LDHD: variants seen among roughly 807,000 people sequenced by gnomAD.
LDHD encodes D-lactate dehydrogenase, mitochondrial.
LDHD carries 58 observed loss-of-function variants against 52.9 expected under a neutral mutation model. That is an observed-to-expected ratio of 1.10 (90% CI 0.89 to 1.36). The LOEUF (loss-of-function observed/expected upper bound fraction) is 1.36. LDHD is among the 40% of genes most tolerant of loss of function. The pLI is 0.00. For synonymous variants in LDHD, 350 were observed against 288.6 expected, an observed-to-expected ratio of 1.21 and a Z score of -2.16; for missense variants, 747 against 668.0, an observed-to-expected ratio of 1.12 and a Z score of -1.30.
chr16:75,113,687 C>A (rs2036463958), intron 7 of LDHD, 25 bp from the exon 8 acceptor site: 1 of 1,612,828 alleles, frequency 6.2e-7, no homozygotes, highest in Admixed American at 1.7e-5. Context: ...GGGGGGCTGA[C>A]ACCGGGCCGC....
At position 75,112,320 on chromosome 16, in the gene LDHD, G is replaced by A. The variant is rs774636975; in HGVS notation, c.*36C>T. 4 of 1,574,170 alleles carry A rather than the reference G, an allele frequency of 2.5e-6. No individual in the cohort carries two copies. The highest frequency in any genetic ancestry group is 3.5e-6 in the Non-Finnish European group (4 of 1,155,076). On this transcript the variant is annotated 3_prime_UTR_variant, in exon 11 of 11. Coordinates refer to ENST00000450168, the MANE Select transcript of LDHD (RefSeq NM_194436.3). ...GAAAAGTTCCAGAACCGGCTCCGTAGTCAGGGAACTTGTGGGCTAAGTGCT... is the reference window on the plus strand; with the variant it reads ...GAAAAGTTCCAGAACCGGCTCCGTAATCAGGGAACTTGTGGGCTAAGTGCT...
At position 75,112,403 on chromosome 16, in the gene LDHD, C is replaced by T; in HGVS notation, c.1408G>A (p.Ala470Thr). The change falls in exon 11 of 11, where the codon GCC (alanine) becomes ACC (threonine). Residue 470 changes from alanine to threonine, a missense_variant. Ala to Thr is a moderately conservative substitution (Grantham distance 58). Coordinates refer to ENST00000450168, the MANE Select transcript of LDHD (RefSeq NM_194436.3). ...ATGAGGCCTTGGGGGTCTAGCACGG[C>T]CTTGAGCTGCCGCATGGTCTCCACG... ...VGVETMRQLKAVLDPQGLMNP... is the reference protein window; with the variant it reads ...VGVETMRQLKTVLDPQGLMNP... 1 of 1,613,492 alleles carries T rather than the reference C, an allele frequency of 6.2e-7. No individual in the cohort carries two copies. Among genetic ancestry groups the T allele is most frequent in the Non-Finnish European group, 8.5e-7 (1 of 1,180,012 alleles).
In LDHD at chr16:75,113,738, A is replaced by T. The variant is rs781010985; in HGVS notation, c.958+4T>A. 2 of 1,613,806 alleles carry T rather than the reference A, an allele frequency of 1.2e-6. No individual in the cohort carries two copies. Among genetic ancestry groups the T allele is most frequent in the Admixed American group, 3.3e-5 (2 of 60,028 alleles). On this transcript the variant is annotated splice_donor_region_variant and intron_variant, in intron 7 of 10. Coordinates refer to ENST00000450168, the MANE Select transcript of LDHD (RefSeq NM_194436.3). ...CCCTGCTGCCCCACTCCACCCCAGC[A>T]TACCTGTGCGCTGCAGCTGCTCCTC...
rs777245334 is a variant in LDHD at position 75,112,898 on chromosome 16, G to A, written c.1113C>T (p.Pro371=). ...CCACGATCTCCGGCAGCCGGGAGAT[G>A]GGCACACACACATCCGTGGAGTAGC... The part of the protein sequence containing the change: ...CKGYSTDVCV[P]ISRLPEIVVQ... Residue 371 remains proline, a synonymous_variant, in exon 9 of 11, where the codon CCC becomes CCT. Coordinates refer to ENST00000450168, the MANE Select transcript of LDHD (RefSeq NM_194436.3). The A allele has an allele frequency of 5.0e-6, 8 of 1,612,430 alleles. No individual in the cohort carries two copies. In the East Asian group the frequency reaches 1.1e-4, roughly 22 times the overall value.
chr16:75,114,512 C>T lies in LDHD; in HGVS notation c.629+14G>A. On this transcript the variant is annotated intron_variant, in intron 5 of 10. Transcript: ENST00000450168. Reference sequence around the variant, plus strand: ...CCAGGGCCAGAGCCCGGGCCCCCCGCAGAGGGCGCTCACCGGAAATGCCGG... The same window carrying T: ...CCAGGGCCAGAGCCCGGGCCCCCCGTAGAGGGCGCTCACCGGAAATGCCGG... The T allele has an allele frequency of 6.7e-7, 1 of 1,503,622 alleles. No individual in the cohort carries two copies. The allele number at this position is 1,503,622 out of a possible 1,614,324, so 93.1% of individuals were successfully genotyped here.
Position 75,116,636 on chromosome 16 carries a change from T to C in LDHD, c.72+13A>G. ...CCTCATCCCTCCAGAGGACTTCTCT[T>C]CTCTCCCGGTACCTTTGCCTTCTGG... is the stretch of plus-strand genomic sequence containing the variant. On this transcript the variant is annotated intron_variant, in intron 1 of 10. Transcript: ENST00000450168. 3 of 1,604,196 alleles carry C rather than the reference T, an allele frequency of 1.9e-6. No homozygotes were observed. Among genetic ancestry groups the C allele is most frequent in the Non-Finnish European group, 2.6e-6 (3 of 1,175,088 alleles).
Position 75,112,700 on chromosome 16 carries a change from C to T in LDHD, c.1191G>A (p.Gly397=). ...NASGLTGSIV[G]HVGDGNFHCI... Reference sequence around the variant, plus strand: ...AGTGGAAGTTGCCGTCACCCACATGCCCGACAATGCTTCCTGGGGGCCCAG... The same window carrying T: ...AGTGGAAGTTGCCGTCACCCACATGTCCGACAATGCTTCCTGGGGGCCCAG... The change falls in exon 10 of 11, where the codon GGG becomes GGA. Residue 397 remains glycine, a synonymous_variant. Coordinates refer to ENST00000450168, the MANE Select transcript of LDHD (RefSeq NM_194436.3). The T allele has an allele frequency of 6.2e-7, 1 of 1,613,900 alleles. No individual in the cohort carries two copies. The highest frequency in any genetic ancestry group is 1.1e-5 in the South Asian group (1 of 91,080).
At position 75,112,346 on chromosome 16, in the gene LDHD, C is replaced by T. The variant is rs774225901; in HGVS notation, c.*10G>A. On this transcript the variant is annotated 3_prime_UTR_variant, in exon 11 of 11. Transcript: ENST00000450168. Reference sequence around the variant, plus strand: ...TCAGGGAACTTGTGGGCTAAGTGCTCAGACCCCCTTCACAGCACTTTGCCT... The same window carrying T: ...TCAGGGAACTTGTGGGCTAAGTGCTTAGACCCCCTTCACAGCACTTTGCCT... 2 of 1,600,764 alleles carry T rather than the reference C, an allele frequency of 1.2e-6. No individual in the cohort carries two copies. Among genetic ancestry groups the T allele is most frequent in the Non-Finnish European group, 1.7e-6 (2 of 1,170,636 alleles).
chr16:75,116,582 G>C, intron 1 of LDHD, 67 bp downstream of exon 1: 1 of 1,378,710 alleles, frequency 7.3e-7, no homozygotes, highest in Non-Finnish European at 1.0e-6. Context: ...GGAAACTTGG[G>C]ATCAGAACCC....
rs2036399565 is a variant in LDHD at position 75,111,881 on chromosome 16, T to A, written c.*475A>T. Reference sequence around the variant, plus strand: ...CAGGTAGCTGTAGGTGGGTTTCAGGTTTATTACAGATTTATTGGGGGAGGC... The same window carrying A: ...CAGGTAGCTGTAGGTGGGTTTCAGGATTATTACAGATTTATTGGGGGAGGC... On this transcript the variant is annotated 3_prime_UTR_variant, in exon 11 of 11. Coordinates refer to ENST00000450168, the MANE Select transcript of LDHD (RefSeq NM_194436.3). 1 of 153,234 alleles carries A rather than the reference T, an allele frequency of 6.5e-6. No homozygotes were observed. The highest frequency in any genetic ancestry group is 2.1e-4 in the South Asian group (1 of 4,810). 9.5% of individuals were successfully genotyped at this position (153,234 alleles called of 1,614,324 possible).
chr16:75,114,175 A>G lies in LDHD; in HGVS notation c.630-10T>C. On this transcript the variant is annotated splice_polypyrimidine_tract_variant and intron_variant, in intron 5 of 10. Transcript: ENST00000450168. ...GCCGGCTGCACTCTTCCTACGTCCC[A>G]GGGACACACAAGGTGAGTACCAGGC... 1.2e-6 allele frequency: 2 copies of G among 1,611,668 alleles called. No individual in the cohort carries two copies. The highest frequency in any genetic ancestry group is 1.1e-5 in the South Asian group (1 of 91,084).
At chr16:75,113,460 C>G (rs1473070926) in intron 8 of LDHD, 75 bp downstream of exon 8, 1 of 1,503,908 alleles carries the variant, frequency 6.6e-7, no homozygotes, top group African/African-American at 1.4e-5. Context: ...CTGCTCTGTG[C>G]AGTAGAGTGG....
intron 1 of LDHD, among the ~76,000 whole-genome samples, chr16:75,116,379 C>A (rs1390706896): frequency 1.3e-5 from 2 of 152,166 alleles, no homozygotes; most frequent in African/African-American, 2.4e-5. Flanking sequence ...AACCCAGGCC[C>A]TTTCCTTCAG....
rs2036407228 is a variant in LDHD at position 75,112,143 on chromosome 16, C to T, written c.*213G>A. On this transcript the variant is annotated 3_prime_UTR_variant, in exon 11 of 11. Transcript: ENST00000450168. ...GAACCACCCTGGGTCGTTTACTGAA[C>T]CAAAGGCTCCTGGGGCCAGCCAGAG... 5.1e-6 allele frequency: 3 copies of T among 584,970 alleles called. No individual in the cohort carries two copies. In the East Asian group the frequency reaches 8.7e-5, roughly 17 times the overall value. 36.2% of individuals were successfully genotyped at this position (584,970 alleles called of 1,614,324 possible).
intron 9 of LDHD, 32 bp downstream of exon 9, chr16:75,112,802 C>T (rs1454994469): frequency 1.2e-6 from 2 of 1,605,310 alleles, no homozygotes; most frequent in Non-Finnish European, 1.7e-6. Context: ...TGACACCTCC[C>T]CACCTCTCCC....
Position 75,112,099 on chromosome 16 carries a change from G to C in LDHD, c.*257C>G, listed in dbSNP as rs1398296450. 4.2e-6 allele frequency: 2 copies of C among 470,822 alleles called. No individual in the cohort carries two copies. Among genetic ancestry groups the C allele is most frequent in the Admixed American group, 3.8e-5 (1 of 26,490 alleles). 29.2% of individuals were successfully genotyped at this position (470,822 alleles called of 1,614,324 possible). On this transcript the variant is annotated 3_prime_UTR_variant, in exon 11 of 11. Transcript: ENST00000450168. ...CCAGGACAGGATGCGTAGGAGCAGA[G>C]AGGAAGCAGCTTTGCTGGGAACCAC...
Position 75,112,210 on chromosome 16 carries a change from C to T in LDHD, c.*146G>A. 2 of 968,682 alleles carry T rather than the reference C, an allele frequency of 2.1e-6. No homozygotes were observed. Among genetic ancestry groups the T allele is most frequent in the Non-Finnish European group, 3.0e-6 (2 of 661,804 alleles). 60.0% of individuals were successfully genotyped at this position (968,682 alleles called of 1,614,324 possible). On this transcript the variant is annotated 3_prime_UTR_variant, in exon 11 of 11. Coordinates refer to ENST00000450168, the MANE Select transcript of LDHD (RefSeq NM_194436.3). ...CGGTGCTCAGGCTTCTCTCTGGGCCCTCTGGCCTTGGGCCCAGATACAGTG... is the reference window on the plus strand; with the variant it reads ...CGGTGCTCAGGCTTCTCTCTGGGCCTTCTGGCCTTGGGCCCAGATACAGTG...
At position 75,113,881 on chromosome 16, in the gene LDHD, G is replaced by A. The variant is rs1174430133; in HGVS notation, c.830-11C>T. On this transcript the variant is annotated splice_polypyrimidine_tract_variant and intron_variant, in intron 6 of 10. Transcript: ENST00000450168. ...CTTCATCCAGGAACTCTGGATCCAG[G>A]GAGATGGCAGGCCAGGTGAGGCCTG... 31 of 1,613,712 alleles carry A rather than the reference G, an allele frequency of 1.9e-5. No homozygotes were observed. Among genetic ancestry groups the A allele is most frequent in the Non-Finnish European group, 2.6e-5 (31 of 1,179,960 alleles).
chr16:75,116,599 C>T (rs780218429), intron 1 of LDHD, 50 bp downstream of exon 1: 39 of 1,500,748 alleles, frequency 2.6e-5, no homozygotes, highest in Non-Finnish European at 3.4e-5. Flanking sequence ...ACCCCCTGCT[C>T]CCCGCTCCCC....
Sources: gnomAD v4.1 joint callset for allele counts (sites outside exome capture counted in the v4.1 genomes callset) on GRCh38, gnomAD v4.1.1 for gene constraint, MANE v1.5 for transcripts, NCBI Gene and HGNC (gene_info 2026-07-23, HGNC 2026-07-21) for gene names.